VDAC3: variants seen among roughly 807,000 people sequenced by gnomAD.
VDAC3 encodes non-selective voltage-gated ion channel VDAC3.
A neutral mutation model predicts 33.9 loss-of-function variants in VDAC3; 7 were observed. That is an observed-to-expected ratio of 0.21 (90% CI 0.12 to 0.39). VDAC3 has a LOEUF of 0.39. Among genes scored for constraint, VDAC3 ranks in the 10% least tolerant of loss-of-function variants. The probability of loss-of-function intolerance (pLI) is 1.00; values close to 1 mark genes in which losing one functional copy is unlikely to be tolerated. For synonymous variants in VDAC3, 100 were observed against 122.4 expected (o/e 0.82, Z 1.21); for missense variants, 261 against 334.5 (o/e 0.78, Z 1.71).
chr8:42,400,817 C>T (rs1455975864), intron 6 of VDAC3, among the ~76,000 whole-genome samples: 2 of 151,632 alleles, frequency 1.3e-5, no homozygotes, highest in East Asian at 3.9e-4. Context: ...AGGCATGCAC[C>T]ACCACGCCCA....
chr8:42,402,839 G>A (rs923794805), intron 7 of VDAC3, among the ~76,000 whole-genome samples: 1 of 152,174 alleles, frequency 6.6e-6, no homozygotes, highest in Admixed American at 6.5e-5. Flanking sequence ...TGGTTTTCTG[G>A]AGCAGTGCAC....
At chr8:42,401,497 T>G (rs1327894904) in intron 6 of VDAC3, among the ~76,000 whole-genome samples, 1 of 152,184 alleles carries the variant, frequency 6.6e-6, no homozygotes, top group Non-Finnish European at 1.5e-5. Context: ...ACCCAGCCTC[T>G]TATTCATTCT....
chr8:42,403,234 C>G, intron 7 of VDAC3, 77 bp from the exon 8 acceptor site: 1 of 1,549,196 alleles, frequency 6.5e-7, no homozygotes, highest in Non-Finnish European at 8.8e-7. Flanking sequence ...TTTAGATAGT[C>G]TTAGAATTTG....
At chr8:42,404,193 C>T (rs147397476) in intron 8 of VDAC3, among the ~76,000 whole-genome samples, 1 of 152,256 alleles carries the variant, frequency 6.6e-6, no homozygotes, top group Non-Finnish European at 1.5e-5. Context: ...AAAACTGAGC[C>T]TTAGAAAGGT....
At chr8:42,398,618 T>C (rs1802358747) in intron 4 of VDAC3, 94 bp from the exon 5 acceptor site, 1 of 1,337,482 alleles carries the variant, frequency 7.5e-7, no homozygotes, top group African/African-American at 1.5e-5. Flanking sequence ...CAGTAAATGG[T>C]ATTGTTTTTG....
intron 7 of VDAC3, 137 bp downstream of exon 7, chr8:42,402,152 C>G: frequency 2.1e-6 from 2 of 969,440 alleles, no homozygotes; most frequent in Non-Finnish European, 1.5e-6. Flanking sequence ...ATCCTCATAG[C>G]AAAACCTTGC....
chr8:42,394,750 A>G (rs1802275417), intron 3 of VDAC3, among the ~76,000 whole-genome samples: 1 of 152,122 alleles, frequency 6.6e-6, no homozygotes, highest in Non-Finnish European at 1.5e-5. Flanking sequence ...ATTTTTTCTT[A>G]TTAACTAGTA....
Position 42,405,578 on chromosome 8 carries a change from C to A in VDAC3, c.*116C>A. On this transcript the variant is annotated 3_prime_UTR_variant, in exon 10 of 10. Coordinates refer to ENST00000022615, the MANE Select transcript of VDAC3 (RefSeq NM_005662.7). ...CAAAAGTGTGAACTTTTTATTCTTC[C>A]AAAGAATTGTAATCCTCCCCACACT... 1 of 875,358 alleles carries A rather than the reference C, an allele frequency of 1.1e-6. No individual in the cohort carries two copies. The highest frequency in any genetic ancestry group is 1.8e-6 in the Non-Finnish European group (1 of 557,096). The allele number at this position is 875,358 out of a possible 1,614,324, so 54.2% of individuals were successfully genotyped here.
At chr8:42,404,318 T>C (rs1449518150) in intron 8 of VDAC3, among the ~76,000 whole-genome samples, 1 of 152,202 alleles carries the variant, frequency 6.6e-6, no homozygotes, top group African/African-American at 2.4e-5. Flanking sequence ...TCAGCTGGTA[T>C]CTCAGAGAAT....
chr8:42,401,202 CT>C (rs1291382482), intron 6 of VDAC3, among the ~76,000 whole-genome samples: 1 of 151,428 alleles, frequency 6.6e-6, no homozygotes. Flanking sequence ...CTTATTCATT[CT>C]TTTTTTTTCT....
At chr8:42,396,943 T>G in intron 4 of VDAC3, 1 of 418,132 alleles carries the variant, frequency 2.4e-6, no homozygotes, top group Non-Finnish European at 4.2e-6. Context: ...AGACACAAAC[T>G]GAACTGTGAA....
At chr8:42,401,297 A>G (rs1253976835) in intron 6 of VDAC3, among the ~76,000 whole-genome samples, 2 of 152,038 alleles carry the variant, frequency 1.3e-5, no homozygotes, top group African/African-American at 4.8e-5. Context: ...CCCAGGTTCA[A>G]GTGATTCTCC....
intron 4 of VDAC3, chr8:42,397,677 A>G (rs1802341185): frequency 6.6e-6 from 1 of 152,156 alleles, no homozygotes; most frequent in Admixed American, 6.5e-5. Flanking sequence ...TTTTTTTGAG[A>G]CAGAGTCTCA....
chr8:42,395,423 G>A (rs1802292854), intron 4 of VDAC3, among the ~76,000 whole-genome samples: 1 of 152,168 alleles, frequency 6.6e-6, no homozygotes, highest in South Asian at 2.1e-4. Flanking sequence ...ATGTATATGG[G>A]CACCAAAAAC....
At chr8:42,401,723 T>A in intron 6 of VDAC3, 65 bp from the exon 7 acceptor site, 2 of 1,457,290 alleles carry the variant, frequency 1.4e-6, no homozygotes, top group Non-Finnish European at 1.9e-6. Context: ...CTCTAAAAAT[T>A]CCTAGACAGT....
At chr8:42,399,888 G>A (rs1802386021) in intron 6 of VDAC3, among the ~76,000 whole-genome samples, 185 bp downstream of exon 6, 1 of 152,190 alleles carries the variant, frequency 6.6e-6, no homozygotes, top group Non-Finnish European at 1.5e-5. Flanking sequence ...AAGGCAGGAT[G>A]AACAATTTGA....
chr8:42,394,971 A>G (rs1031464242), intron 3 of VDAC3, 113 bp from the exon 4 acceptor site: 7 of 1,188,500 alleles, frequency 5.9e-6, no homozygotes, highest in Non-Finnish European at 8.5e-6. Flanking sequence ...TGAAAATACT[A>G]TGCATTTTTC....
At chr8:42,396,877 A>G (rs866678716) in intron 4 of VDAC3, 2 of 539,374 alleles carry the variant, frequency 3.7e-6, no homozygotes, top group East Asian at 6.0e-5. Flanking sequence ...AGCTATATGC[A>G]TGTTATATGC....
At chr8:42,395,394 T>C (rs909474575) in intron 4 of VDAC3, among the ~76,000 whole-genome samples, 3 of 152,284 alleles carry the variant, frequency 2.0e-5, no homozygotes, top group African/African-American at 7.2e-5. Flanking sequence ...CCATGTCATA[T>C]GTTTATACTT....
Sources: allele counts gnomAD v4.1 joint callset (sites outside exome capture counted in the v4.1 genomes callset), GRCh38; gene constraint gnomAD v4.1.1; transcripts MANE v1.5; gene names NCBI Gene and HGNC (gene_info 2026-07-23, HGNC 2026-07-21).